Variants in LRRTM4 observed in about 807,000 individuals in gnomAD.
LRRTM4 encodes leucine-rich repeat transmembrane neuronal protein 4.
In LRRTM4, 25 loss-of-function variants were observed where a neutral mutation model predicts 47.6. The ratio of observed to expected loss-of-function variants is 0.53; its 90% confidence interval spans 0.38 to 0.73. The LOEUF (loss-of-function observed/expected upper bound fraction) is 0.73. LRRTM4 is among the 30% of genes least tolerant of loss of function. The pLI is 0.00. For missense variants in LRRTM4, 638 were observed against 713.4 expected, an observed-to-expected ratio of 0.89 and a Z score of 1.20; for synonymous variants, 311 against 269.5, an observed-to-expected ratio of 1.15 and a Z score of -1.51.
chr2:77,519,162 A>G lies in LRRTM4; in HGVS notation c.707T>C (p.Leu236Ser). ...AATGGAGCGAATCCTGTTCCATTGT[A>G]AGTAAATTGAGCGGAGGTTGAAGAG... is the stretch of plus-strand genomic sequence containing the variant. Reference protein sequence around the residue: ...PRLFNLRSIYLQWNRIRSISQ... With the variant: ...PRLFNLRSIYSQWNRIRSISQ... The change falls in exon 3 of 4, where the codon TTA (leucine) becomes TCA (serine). Residue 236 changes from leucine (L) to serine (S), a missense_variant. Physicochemically the swap from Leu to Ser is moderately radical, Grantham distance 145 (BLOSUM62 -2). Coordinates refer to ENST00000409884, the MANE Select transcript of LRRTM4 (RefSeq NM_001134745.3). This position sits in a 1 kb window ranked among gnomAD's most constrained non-coding sequence, Gnocchi z 4.6. 1 of 1,613,248 alleles carries G rather than the reference A, an allele frequency of 6.2e-7. No individual in the cohort carries two copies. The highest frequency in any genetic ancestry group is 8.5e-7 in the Non-Finnish European group (1 of 1,179,556).
intron 3 of LRRTM4, among the ~76,000 whole-genome samples, chr2:77,113,190 C>T (rs1387162309): frequency 6.6e-6 from 1 of 151,954 alleles, no homozygotes; most frequent in Non-Finnish European, 1.5e-5. Flanking sequence ...GCCATCAGCC[C>T]GATTTAGCTG....
intron 3 of LRRTM4, among the ~76,000 whole-genome samples, chr2:77,006,721 C>T (rs10165789): frequency 6.6e-6 from 1 of 151,944 alleles, no homozygotes; most frequent in African/African-American, 2.4e-5. Flanking sequence ...TCTGGAATCA[C>T]AATAGAGGGA....
At chr2:77,394,282 G>T (rs1673616744) in intron 3 of LRRTM4, among the ~76,000 whole-genome samples, 2 of 152,078 alleles carry the variant, frequency 1.3e-5, no homozygotes, top group Non-Finnish European at 2.9e-5. Flanking sequence ...TGCAGGAAAA[G>T]AAATAATCAT....
intron 3 of LRRTM4, among the ~76,000 whole-genome samples, chr2:77,429,616 C>A (rs1054416014): frequency 5.9e-5 from 9 of 151,876 alleles, no homozygotes; most frequent in African/African-American, 1.9e-4. Context: ...AGAAAAATAC[C>A]ACATAGTTTC....
chr2:77,335,260 T>A (rs934549058), intron 3 of LRRTM4, among the ~76,000 whole-genome samples: 1 of 152,214 alleles, frequency 6.6e-6, no homozygotes, highest in Non-Finnish European at 1.5e-5. Flanking sequence ...TAAAAATTAT[T>A]AGCTTGAAAT....
At chr2:76,832,095 T>A (rs534773914) in intron 3 of LRRTM4, among the ~76,000 whole-genome samples, 1 of 152,236 alleles carries the variant, frequency 6.6e-6, no homozygotes, top group South Asian at 2.1e-4. Context: ...AGGCTCCTAC[T>A]TTCTGAACAT....
chr2:77,102,345 T>C (rs1416004857), intron 3 of LRRTM4, among the ~76,000 whole-genome samples: 5 of 152,208 alleles, frequency 3.3e-5, no homozygotes, highest in Non-Finnish European at 7.3e-5. Context: ...CTTACTGCTC[T>C]TAGGTTTGTT....
chr2:77,437,445 C>A (rs1015354829), intron 3 of LRRTM4, among the ~76,000 whole-genome samples: 1 of 151,986 alleles, frequency 6.6e-6, no homozygotes, highest in Non-Finnish European at 1.5e-5. Flanking sequence ...AGAACTATTA[C>A]ACCTATGTTT....
chr2:77,452,933 C>T (rs1484731985), intron 3 of LRRTM4, among the ~76,000 whole-genome samples: 1 of 152,050 alleles, frequency 6.6e-6, no homozygotes, highest in Non-Finnish European at 1.5e-5. Flanking sequence ...CTTCTTATTG[C>T]CTCAACCAAA....
chr2:77,089,783 G>T (rs1320982820), intron 3 of LRRTM4, among the ~76,000 whole-genome samples: 3 of 152,230 alleles, frequency 2.0e-5, no homozygotes, highest in East Asian at 3.9e-4. Flanking sequence ...CTCGACAGTA[G>T]TTCCAAATAG....
At chr2:77,321,423 T>C (rs1388808393) in intron 3 of LRRTM4, among the ~76,000 whole-genome samples, 1 of 151,732 alleles carries the variant, frequency 6.6e-6, no homozygotes, top group Admixed American at 6.6e-5. Flanking sequence ...CAATTGTGAG[T>C]TCAGGAATTA....
chr2:76,913,010 G>T (rs1674123340), intron 3 of LRRTM4, among the ~76,000 whole-genome samples: 1 of 152,158 alleles, frequency 6.6e-6, no homozygotes, highest in Non-Finnish European at 1.5e-5. Context: ...GGTGAGAACG[G>T]ACTGATATAG....
intron 3 of LRRTM4, among the ~76,000 whole-genome samples, chr2:77,251,975 AT>A (rs1344455912): frequency 6.6e-6 from 1 of 152,184 alleles, no homozygotes; most frequent in Non-Finnish European, 1.5e-5. Context: ...GAATATGTTA[AT>A]TTAAAAATAT....
intron 3 of LRRTM4, among the ~76,000 whole-genome samples, chr2:77,283,327 A>C (rs1160929463): frequency 1.3e-5 from 2 of 151,978 alleles, no homozygotes; most frequent in East Asian, 3.9e-4. Context: ...AAAAAACAAG[A>C]GATTCTGGTG....
intron 3 of LRRTM4, among the ~76,000 whole-genome samples, chr2:77,123,213 CAGAG>C (rs56149151): frequency 8.0e-4 from 114 of 142,924 alleles, no homozygotes; most frequent in Admixed American, 2.1e-3. Flanking sequence ...TTCAGTCTCA[CAGAG>C]AGAGAGAGAG....
chr2:76,984,059 T>C (rs1022670175), intron 3 of LRRTM4, among the ~76,000 whole-genome samples: 1 of 152,078 alleles, frequency 6.6e-6, no homozygotes, highest in African/African-American at 2.4e-5. Flanking sequence ...ATTCACCACA[T>C]GGTTACCTAA....
chr2:77,266,712 C>T (rs538293091), intron 3 of LRRTM4, among the ~76,000 whole-genome samples: 4 of 152,214 alleles, frequency 2.6e-5, no homozygotes. Context: ...GTGTTTCTGA[C>T]TGCAGGAAGC....
At position 77,372,723 on chromosome 2, in the gene LRRTM4, A is replaced by G. The variant is rs147808188; in HGVS notation, c.1551+145595T>C. On this transcript the variant is annotated intron_variant, in intron 3 of 3. Transcript: ENST00000409884. ...TGGAAAATATACTGTTGTAGTTGCT[A>G]TAAGCCTCTATTTCATTTTAAGCCA... Among the ~76,000 whole-genome samples the G allele has an allele frequency of 2.3e-3, 350 of 151,842 alleles. 1 individual carries two copies. Among genetic ancestry groups the G allele is most frequent in the African/African-American group, 8.2e-3 (340 of 41,512 alleles).
chr2:77,175,824 CTAATTTTG>C (rs1405215790), intron 3 of LRRTM4, among the ~76,000 whole-genome samples: 1 of 152,074 alleles, frequency 6.6e-6, no homozygotes, highest in Non-Finnish European at 1.5e-5. Flanking sequence ...CCACACCTGG[CTAATTTTG>C]TATATTTAGC....
Sources: allele counts gnomAD v4.1 joint callset (sites outside exome capture counted in the v4.1 genomes callset), GRCh38; gene constraint gnomAD v4.1.1; non-coding constraint Gnocchi (gnomAD v3.1); transcripts MANE v1.5; gene names NCBI Gene and HGNC (gene_info 2026-07-23, HGNC 2026-07-21).